GSE1: variants seen among roughly 807,000 people sequenced by gnomAD.
GSE1 encodes the protein genetic suppressor element 1.
In GSE1, 32 loss-of-function variants were observed where a neutral mutation model predicts 112.6. The ratio of observed to expected loss-of-function variants is 0.28; its 90% confidence interval spans 0.21 to 0.38. GSE1 has a LOEUF of 0.38. Ranked by LOEUF, GSE1 falls within the 10% of genes least tolerant of loss-of-function variation. The pLI is 1.00. For synonymous variants in GSE1, 1,115 were observed against 735.6 expected (o/e 1.52, Z -8.35); for missense variants, 2,348 against 1,699.2 (o/e 1.38, Z -6.71).
At position 85,373,512 on chromosome 16, in the gene GSE1, G is replaced by T. The variant is rs1226408375; in HGVS notation, c.2464+15869G>T. Among the ~76,000 whole-genome samples the T allele has an allele frequency of 6.6e-6, 1 of 152,130 alleles. No homozygotes were observed. The highest frequency in any genetic ancestry group is 2.1e-4 in the South Asian group (1 of 4,828). On this transcript the variant is annotated intron_variant, in intron 2 of 2. Coordinates refer to the GSE1 transcript ENST00000637419. This position sits in a 1 kb window ranked among gnomAD's most constrained non-coding sequence, Gnocchi z 5.1. ...CCATTTGTGAAGTAGGGATGCTGTG[G>T]CAGCTGCCTCCCGGGGCCCCTGGGA...
chr16:85,343,172 G>A (rs2046660784), intron 1 of GSE1, among the ~76,000 whole-genome samples: 1 of 152,130 alleles, frequency 6.6e-6, no homozygotes, highest in African/African-American at 2.4e-5. Flanking sequence ...CCTCAGCAAT[G>A]AAAAGAAACA....
intron 1 of GSE1, among the ~76,000 whole-genome samples, chr16:85,184,162 C>G (rs1323134764): frequency 1.3e-5 from 2 of 152,154 alleles, no homozygotes; most frequent in African/African-American, 4.8e-5. Context: ...CTGGGGAGTT[C>G]TGGGGAACAG....
At chr16:85,590,784 G>A (rs1203339376) in intron 1 of GSE1, among the ~76,000 whole-genome samples, 4 of 152,206 alleles carry the variant, frequency 2.6e-5, no homozygotes, top group Admixed American at 6.5e-5. Flanking sequence ...CGGCCACGCT[G>A]CACCACCATT....
intron 2 of GSE1, among the ~76,000 whole-genome samples, chr16:85,389,785 G>A (rs971632820): frequency 7.2e-5 from 11 of 152,146 alleles, no homozygotes; most frequent in African/African-American, 1.9e-4. Context: ...GAATCCCCAC[G>A]AGCCTGCAAG....
chr16:85,514,139 C>T (rs2051838604), intron 2 of GSE1, among the ~76,000 whole-genome samples: 2 of 150,604 alleles, frequency 1.3e-5, no homozygotes, highest in Admixed American at 1.3e-4. Flanking sequence ...AACCCCTTGC[C>T]CACCCAGCCC....
intron 2 of GSE1, among the ~76,000 whole-genome samples, chr16:85,364,198 T>G (rs2047139749): frequency 1.3e-5 from 2 of 152,170 alleles, no homozygotes; most frequent in African/African-American, 4.8e-5. Context: ...TTCCTTGACT[T>G]GCGGCCCCTC....
At position 85,656,526 on chromosome 16, in the gene GSE1, G is replaced by A. The variant is rs761026563; in HGVS notation, c.1173G>A (p.Gln391=). Reference sequence around the variant, plus strand: ...GCGAGCTGGAGCGCCAGCGGGAGCAGCGGGCCCGGGAGAAGGAGCTGCTGG... The same window carrying A: ...GCGAGCTGGAGCGCCAGCGGGAGCAACGGGCCCGGGAGAAGGAGCTGCTGG... The part of the protein sequence containing the change: ...RERELERQRE[Q]RAREKELLAA... The change falls in exon 7 of 16, where the codon CAG becomes CAA. Residue 391 remains glutamine, a synonymous_variant. Transcript: ENST00000253458. 6.5e-7 allele frequency: 1 copy of A among 1,549,204 alleles called. No homozygotes were observed.
At chr16:85,352,743 C>G (rs2151562980) in intron 1 of GSE1, among the ~76,000 whole-genome samples, 1 of 152,302 alleles carries the variant, frequency 6.6e-6, no homozygotes, top group South Asian at 2.1e-4. Context: ...ATCACAAAAC[C>G]CTGTGTGCCC....
At chr16:85,313,207 T>C (rs1173843774) in intron 1 of GSE1, among the ~76,000 whole-genome samples, 2 of 152,154 alleles carry the variant, frequency 1.3e-5, no homozygotes. Flanking sequence ...TGAGCATTCA[T>C]GGACCGGGGG....
At chr16:85,587,797 A>T (rs1187844632) in intron 1 of GSE1, among the ~76,000 whole-genome samples, 1 of 152,032 alleles carries the variant, frequency 6.6e-6, no homozygotes, top group African/African-American at 2.4e-5. Flanking sequence ...GTTGGCAAAG[A>T]GGCTGTTCCT....
chr16:85,574,305 C>T (rs1237786865), intron 1 of GSE1, among the ~76,000 whole-genome samples: 5 of 152,224 alleles, frequency 3.3e-5, no homozygotes, highest in Non-Finnish European at 5.9e-5. Flanking sequence ...TCCCAGTGTT[C>T]ATTATTCAGC....
intron 1 of GSE1, among the ~76,000 whole-genome samples, chr16:85,600,129 C>T (rs1164669067): frequency 6.6e-6 from 1 of 152,230 alleles, no homozygotes; most frequent in African/African-American, 2.4e-5. Flanking sequence ...CTCTTCCAGG[C>T]CCGCTCCATC....
chr16:85,250,188 C>T (rs752867273), intron 1 of GSE1, among the ~76,000 whole-genome samples: 1 of 152,346 alleles, frequency 6.6e-6, no homozygotes, highest in South Asian at 2.1e-4. Context: ...CCCCTCTTCC[C>T]CTTGCCCACA....
At chr16:85,555,640 T>C (rs2045167617), upstream of GSE1, 2 of 939,224 alleles carry the variant, frequency 2.1e-6, no homozygotes, top group Non-Finnish European at 2.5e-6. Context: ...ACAAAGCCGA[T>C]TTCTCCTTGG....
At chr16:85,294,722 G>C (rs1054484100) in intron 1 of GSE1, among the ~76,000 whole-genome samples, 1 of 125,028 alleles carries the variant, frequency 8.0e-6, no homozygotes, top group Admixed American at 1.0e-4. Context: ...GTCTCTCCAT[G>C]ATCTCTCCAG....
At chr16:85,467,488 G>T (rs925325060) in intron 2 of GSE1, among the ~76,000 whole-genome samples, 1 of 152,194 alleles carries the variant, frequency 6.6e-6, no homozygotes, top group Non-Finnish European at 1.5e-5. Context: ...ACGGGGGCTG[G>T]GTTGGGGAGC....
chr16:85,374,066 G>A (rs955220865), intron 2 of GSE1, among the ~76,000 whole-genome samples: 1 of 152,194 alleles, frequency 6.6e-6, no homozygotes, highest in African/African-American at 2.4e-5. Flanking sequence ...TTCTCAGTGT[G>A]TATGTGTGTG....
At chr16:85,627,044 CTTTTTTTTTTTTTTTTTTT>C (rs564272210) in intron 1 of GSE1, among the ~76,000 whole-genome samples, 2 of 25,060 alleles carry the variant, frequency 8.0e-5, no homozygotes, top group African/African-American at 1.6e-4. Flanking sequence ...TTCTTCTTGC[CTTTTTTTTTTTTTTTTTTT>C]TTTTTTTTTT....
intron 2 of GSE1, among the ~76,000 whole-genome samples, chr16:85,396,285 G>A (rs938314456): frequency 3.9e-5 from 6 of 152,194 alleles, no homozygotes; most frequent in South Asian, 2.1e-4. Context: ...GCACTGGGGC[G>A]GGGGGAGTTG....
Sources: allele counts gnomAD v4.1 joint callset (sites outside exome capture counted in the v4.1 genomes callset), GRCh38; gene constraint gnomAD v4.1.1; non-coding constraint Gnocchi (gnomAD v3.1); transcripts MANE v1.5; gene names NCBI Gene and HGNC (gene_info 2026-07-23, HGNC 2026-07-21).